DROSHA: variants seen among roughly 807,000 people sequenced by gnomAD.
The protein encoded by DROSHA is drosha ribonuclease III, also known as ribonuclease 3.
DROSHA carries 56 observed loss-of-function variants against 181.9 expected under a neutral mutation model. The ratio of observed to expected loss-of-function variants is 0.31; its 90% CI spans 0.25 to 0.38. The LOEUF is 0.38. DROSHA is among the 10% of genes least tolerant of loss of function. The probability of loss-of-function intolerance (pLI) is 1.00; values close to 1 mark genes in which losing one functional copy is unlikely to be tolerated. For synonymous variants in DROSHA, 524 were observed against 591.2 expected (o/e 0.89, Z 1.65); for missense variants, 1,218 against 1,743.5 (o/e 0.70, Z 5.37).
chr5:31,425,170 T>G (rs1198521818), intron 27 of DROSHA, among the ~76,000 whole-genome samples: 1 of 150,072 alleles, frequency 6.7e-6, no homozygotes, highest in African/African-American at 2.5e-5. Flanking sequence ...ATTTCTGAAA[T>G]AAATAACAAA....
chr5:31,483,254 A>G (rs138186378), intron 16 of DROSHA, among the ~76,000 whole-genome samples: 1 of 152,264 alleles, frequency 6.6e-6, no homozygotes, highest in Non-Finnish European at 1.5e-5. Context: ...CCAATTAGCC[A>G]TATGCATTTT....
chr5:31,487,496 G>A (rs1425387241), intron 13 of DROSHA, among the ~76,000 whole-genome samples: 1 of 152,220 alleles, frequency 6.6e-6, no homozygotes, highest in Non-Finnish European at 1.5e-5. Context: ...GATTACTGCA[G>A]AGAATTGGCT....
At chr5:31,516,608 C>T (rs1342606493) in intron 6 of DROSHA, among the ~76,000 whole-genome samples, 1 of 151,920 alleles carries the variant, frequency 6.6e-6, no homozygotes, top group Non-Finnish European at 1.5e-5. Flanking sequence ...GTTTTGTTAC[C>T]AGAAAAATTA....
chr5:31,529,742 A>C (rs1417142118), intron 3 of DROSHA, among the ~76,000 whole-genome samples: 3 of 150,632 alleles, frequency 2.0e-5, no homozygotes, highest in Non-Finnish European at 4.4e-5. Flanking sequence ...AACAAAAAAA[A>C]AAAAACAAAA....
At chr5:31,474,917 G>T (rs1750192158) in intron 16 of DROSHA, among the ~76,000 whole-genome samples, 1 of 152,216 alleles carries the variant, frequency 6.6e-6, no homozygotes, top group African/African-American at 2.4e-5. Flanking sequence ...CTCCAGGACT[G>T]TGAGAAATAA....
At chr5:31,453,716 C>G (rs1019359874) in intron 20 of DROSHA, among the ~76,000 whole-genome samples, 30 of 152,140 alleles carry the variant, frequency 2.0e-4, no homozygotes, top group Non-Finnish European at 2.2e-4. Flanking sequence ...CTGCTCCAAA[C>G]AAAGCCTGTT....
chr5:31,413,461 A>T (rs1741569161), intron 30 of DROSHA, among the ~76,000 whole-genome samples: 1 of 152,166 alleles, frequency 6.6e-6, no homozygotes, highest in African/African-American at 2.4e-5. Flanking sequence ...CCTTTGCTGA[A>T]CTCTACTTCA....
At chr5:31,417,322 G>A (rs959818013) in intron 30 of DROSHA, among the ~76,000 whole-genome samples, 1 of 152,200 alleles carries the variant, frequency 6.6e-6, no homozygotes, top group Non-Finnish European at 1.5e-5. Context: ...CAGAGACAGG[G>A]AGCCAGTTCA....
intron 35 of DROSHA, among the ~76,000 whole-genome samples, chr5:31,402,186 T>C (rs1291903746): frequency 1.3e-5 from 2 of 152,194 alleles, no homozygotes; most frequent in African/African-American, 2.4e-5. Flanking sequence ...CATAACCTCA[T>C]GTTTCAAACA....
At chr5:31,424,603 T>C (rs1010416840) in intron 27 of DROSHA, 132 bp from the exon 28 acceptor site, 5 of 1,153,252 alleles carry the variant, frequency 4.3e-6, no homozygotes, top group Admixed American at 3.1e-5. Context: ...AATTCAACAG[T>C]GCTGGCAAAC....
chr5:31,450,857 C>T (rs565266299), intron 21 of DROSHA, among the ~76,000 whole-genome samples: 2 of 152,182 alleles, frequency 1.3e-5, no homozygotes, highest in South Asian at 2.1e-4. Context: ...AAACAAAAAA[C>T]GAATTTCCAG....
chr5:31,476,078 C>T (rs988832597), intron 16 of DROSHA, among the ~76,000 whole-genome samples: 3 of 152,150 alleles, frequency 2.0e-5, no homozygotes, highest in Non-Finnish European at 2.9e-5. Flanking sequence ...AGAAATAAGG[C>T]CATTGGCCGG....
chr5:31,405,266 G>T (rs1561106988), intron 35 of DROSHA, among the ~76,000 whole-genome samples: 2 of 151,932 alleles, frequency 1.3e-5, no homozygotes, highest in African/African-American at 4.8e-5. Context: ...TACTGGGGAG[G>T]CTGAGGCAGG....
chr5:31,491,542 T>G (rs1461993052), intron 13 of DROSHA, among the ~76,000 whole-genome samples: 4 of 152,132 alleles, frequency 2.6e-5, no homozygotes, highest in Admixed American at 6.5e-5. Flanking sequence ...AGAGGAAGAA[T>G]AGTTTTAAGT....
In DROSHA at chr5:31,515,037, C is replaced by T. The variant is rs752147785; in HGVS notation, c.1241G>A (p.Arg414Gln). 4 of 1,613,948 alleles carry T rather than the reference C, an allele frequency of 2.5e-6. No individual in the cohort carries two copies. Among genetic ancestry groups the T allele is most frequent in the South Asian group, 1.1e-5 (1 of 91,078 alleles). The change falls in exon 8 of 36, where the codon CGA becomes CAA. Residue 414 changes from arginine (R) to glutamine (Q), a missense_variant. Transcript: ENST00000344624. ...EEELLKPVWI[R>Q]CTHSENYYSS... ...GTAGTAGTTTTCTGAATGAGTGCAT[C>T]GAATCCACACAGGCTTAAGAAGTTC... is the stretch of plus-strand genomic sequence containing the variant.
intron 20 of DROSHA, among the ~76,000 whole-genome samples, chr5:31,452,411 T>C (rs1380303394): frequency 6.6e-6 from 1 of 152,208 alleles, no homozygotes; most frequent in Non-Finnish European, 1.5e-5. Context: ...GGACACAGAA[T>C]TTAAATTTTT....
At chr5:31,515,703 T>C in intron 6 of DROSHA, 139 bp from the exon 7 acceptor site, 1 of 1,196,152 alleles carries the variant, frequency 8.4e-7, no homozygotes, top group South Asian at 1.6e-5. Context: ...AAACAGGGTC[T>C]CAATATGGCC....
chr5:31,459,224 T>C (rs1246256761), intron 20 of DROSHA, among the ~76,000 whole-genome samples: 1 of 152,164 alleles, frequency 6.6e-6, no homozygotes, highest in African/African-American at 2.4e-5. Flanking sequence ...ATGTTTTAAA[T>C]TATTCCTAAT....
At chr5:31,495,239 T>C (rs1752836354) in intron 12 of DROSHA, 47 bp downstream of exon 12, 6 of 1,562,884 alleles carry the variant, frequency 3.8e-6, no homozygotes, top group Non-Finnish European at 5.3e-6. Context: ...CACATTTTAC[T>C]CTATTTACAT....
Sources: allele counts gnomAD v4.1 joint callset (sites outside exome capture counted in the v4.1 genomes callset), GRCh38; gene constraint gnomAD v4.1.1; transcripts MANE v1.5; gene names NCBI Gene and HGNC (gene_info 2026-07-23, HGNC 2026-07-21).